The following MICAL3 variants were observed in gnomAD, a reference collection of about 807,000 sequenced individuals.
The protein encoded by MICAL3 is microtubule associated monooxygenase, calponin and LIM domain containing 3, also known as [F-actin]-monooxygenase MICAL3.
In MICAL3, 62 loss-of-function variants were observed where a neutral mutation model predicts 207.4. That is an observed-to-expected ratio of 0.30 (90% CI 0.24 to 0.37). MICAL3 has a LOEUF of 0.37. MICAL3 is among the 10% of genes least tolerant of loss of function. The pLI, the probability that MICAL3 is intolerant of heterozygous loss-of-function variation, is 1.00. For missense variants in MICAL3, 2,368 were observed against 2,635.6 expected (o/e 0.90, Z 2.22); for synonymous variants, 1,077 against 1,069.3 (o/e 1.01, Z -0.14).
intron 1 of MICAL3, among the ~76,000 whole-genome samples, chr22:17,996,876 G>A (rs544918605): frequency 1.4e-4 from 21 of 152,074 alleles, no homozygotes; most frequent in African/African-American, 4.8e-4. Context: ...CTTATTCACC[G>A]CACAGACTTT....
rs376288221 is a variant in MICAL3, at chr22:17,898,095, C to T, written c.949-1114G>A. On this transcript the variant is annotated intron_variant, in intron 7 of 31. Transcript: ENST00000441493. ...TTAACAGCATACACCAAAGGCATGG[C>T]CCCTGCCCTCTTAAAAAAAAAAAAA... is the stretch of plus-strand genomic sequence containing the variant. Among the ~76,000 whole-genome samples, 3 of 122,638 alleles carry T rather than the reference C, an allele frequency of 2.4e-5. No homozygotes were observed. In the East Asian group the frequency reaches 7.2e-4, roughly 29 times the overall value. The allele number at this position is 122,638 out of a possible 152,430, so 80.5% of individuals were successfully genotyped here. A position where few individuals can be genotyped will look rare whatever the true frequency, so the allele number is the denominator to read the frequency against.
In MICAL3 at chr22:17,981,920, T is replaced by C. The variant is rs534677525; in HGVS notation, c.-75+42361A>G. ...GAGTTGGAGACCAGCCTTGGTAACA[T>C]AGTGAGACCTTGCCTCTACAAAAAA... On this transcript the variant is annotated intron_variant, in intron 1 of 31. Transcript: ENST00000441493. Among the ~76,000 whole-genome samples, 138 of 152,134 alleles carry C rather than the reference T, an allele frequency of 9.1e-4. No individual in the cohort carries two copies. In the South Asian group the frequency reaches 0.027, roughly 30 times the overall value.
rs1471835018 is a variant in MICAL3, at chr22:17,858,537, C to T, written c.2605+6362G>A. On this transcript the variant is annotated intron_variant, in intron 19 of 31. Transcript: ENST00000441493. ...ATGGGTGTTTTTATCTCGGGGAGCA[C>T]TTGTGGGACCGGGTCCTATACGGCA... 4 of 924,046 alleles carry T rather than the reference C, an allele frequency of 4.3e-6. No individual in the cohort carries two copies. The East Asian group carries it at 3.5e-4, about 81-fold the overall frequency. 57.2% of individuals were successfully genotyped at this position (924,046 alleles called of 1,614,324 possible).
intron 1 of MICAL3, among the ~76,000 whole-genome samples, chr22:17,929,027 T>C (rs1933078083): frequency 6.6e-6 from 1 of 151,738 alleles, no homozygotes; most frequent in Non-Finnish European, 1.5e-5. Flanking sequence ...ACTCCTGACC[T>C]TGTGATCTGC....
chr22:17,952,672 A>C (rs1934404248), intron 1 of MICAL3, among the ~76,000 whole-genome samples: 1 of 152,166 alleles, frequency 6.6e-6, no homozygotes, highest in Non-Finnish European at 1.5e-5. Context: ...CTGCCAAGGC[A>C]GGGGGTGGAG....
At chr22:17,802,980 T>C (rs1466197470) in intron 29 of MICAL3, among the ~76,000 whole-genome samples, 5 of 152,196 alleles carry the variant, frequency 3.3e-5, no homozygotes, top group Non-Finnish European at 7.3e-5. Context: ...AATGGCAAGA[T>C]GCCAAACATA....
chr22:17,870,882 T>G (rs1284082443), intron 17 of MICAL3, among the ~76,000 whole-genome samples: 1 of 152,194 alleles, frequency 6.6e-6, no homozygotes, highest in East Asian at 1.9e-4. Context: ...TCCTTGCTCC[T>G]TCTAACAGAG....
In MICAL3 at chr22:17,896,975, C is replaced by G. The variant is rs371751351; in HGVS notation, c.955G>C (p.Ala319Pro). 3.7e-6 allele frequency: 6 copies of G among 1,611,274 alleles called. No homozygotes were observed. The African/African-American group carries it at 5.3e-5, about 14-fold the overall frequency. The change falls in exon 8 of 32, where the codon GCC becomes CCC. Residue 319 changes from alanine (A) to proline (P), a missense_variant. Transcript: ENST00000441493. ...LDKGVILHDYADTELLLSREN... is the reference protein window; with the variant it reads ...LDKGVILHDYPDTELLLSREN... ...CGGGAAAGCAGGAGCTCTGTGTCGG[C>G]GTAGTCCTGTCTCCAGAGAAAGAGG...
intron 1 of MICAL3, among the ~76,000 whole-genome samples, chr22:17,937,584 A>G (rs867854476): frequency 2.6e-5 from 4 of 152,194 alleles, no homozygotes; most frequent in Admixed American, 6.5e-5. Context: ...AATCGCTGGA[A>G]CCCAGGAGGC....
rs572775556 is a variant in MICAL3, at chr22:17,987,065, C to G, written c.-75+37216G>C. Reference sequence around the variant, plus strand: ...CCAGCCTGGGCAACACAGCGAGACCCCATCTCCACTAAAAATAAAAAAAAA... The same window carrying G: ...CCAGCCTGGGCAACACAGCGAGACCGCATCTCCACTAAAAATAAAAAAAAA... On this transcript the variant is annotated intron_variant, in intron 1 of 31. Coordinates refer to ENST00000441493, the MANE Select transcript of MICAL3 (RefSeq NM_015241.3). 6.6e-5 allele frequency among the ~76,000 whole-genome samples: 10 copies of G among 151,996 alleles called. No individual in the cohort carries two copies. In the South Asian group the frequency reaches 8.3e-4, roughly 13 times the overall value.
At chr22:17,927,969 G>T (rs763617894) in intron 1 of MICAL3, among the ~76,000 whole-genome samples, 11 of 152,102 alleles carry the variant, frequency 7.2e-5, no homozygotes, top group Non-Finnish European at 1.2e-4. Context: ...CACACACTCA[G>T]ATCTTTGGGG....
chr22:17,884,414 A>T lies in MICAL3; in HGVS notation c.2241+1464T>A, dbSNP rs116916790. On this transcript the variant is annotated intron_variant, in intron 16 of 31. Coordinates refer to ENST00000441493, the MANE Select transcript of MICAL3 (RefSeq NM_015241.3). The stretch of plus-strand genomic sequence containing the variant: ...ACAGGACATGGAGACAAAACAAAAT[A>T]AAAATACATTAAGGTGGGAGAAGAA... 6.9e-4 allele frequency: 899 copies of T among 1,305,028 alleles called. 15 individuals are homozygous for T. The East Asian group carries it at 0.023, about 34-fold the overall frequency. 80.8% of individuals were successfully genotyped at this position (1,305,028 alleles called of 1,614,324 possible). A position where few individuals can be genotyped will look rare whatever the true frequency, so the allele number is the denominator to read the frequency against.
intron 1 of MICAL3, among the ~76,000 whole-genome samples, chr22:17,921,021 TTTGCCCACAAGGAAATTCC>T (rs1932788939): frequency 6.6e-6 from 1 of 152,130 alleles, no homozygotes. Flanking sequence ...TCCCTCGCAT[TTTGCCCACAAGGAAATTCC>T]TTGTGGGCCC....
At chr22:17,899,932 G>A (rs1163772766) in intron 6 of MICAL3, among the ~76,000 whole-genome samples, 1 of 152,170 alleles carries the variant, frequency 6.6e-6, no homozygotes, top group African/African-American at 2.4e-5. Context: ...CTTAAGAACA[G>A]GATAGACAAC....
At chr22:17,982,988 G>T (rs1228942920) in intron 1 of MICAL3, among the ~76,000 whole-genome samples, 1 of 152,094 alleles carries the variant, frequency 6.6e-6, no homozygotes. Flanking sequence ...AAGTACCTCA[G>T]AAACGAAGGA....
chr22:17,799,135 G>C (rs1488029132), intron 29 of MICAL3, among the ~76,000 whole-genome samples: 2 of 152,160 alleles, frequency 1.3e-5, no homozygotes, highest in African/African-American at 4.8e-5. Context: ...TGTAATCCTA[G>C]CATTTGGGAT....
chr22:17,884,303 C>T (rs562831762), intron 16 of MICAL3: 13 of 1,590,416 alleles, frequency 8.2e-6, no homozygotes, highest in Admixed American at 3.6e-5. Context: ...GGGGGCAGGG[C>T]GAACCTGCCC....
At chr22:17,864,698 C>G in intron 19 of MICAL3, 1 of 1,612,152 alleles carries the variant, frequency 6.2e-7, no homozygotes, top group Non-Finnish European at 8.5e-7. Context: ...CTGATTTGCA[C>G]CAGCACCTCC....
chr22:17,983,754 C>G (rs1327540057), intron 1 of MICAL3: 1 of 152,722 alleles, frequency 6.5e-6, no homozygotes, highest in Non-Finnish European at 1.5e-5. Flanking sequence ...CCCGCCACAC[C>G]TTCATCCTCT....
Sources: gnomAD v4.1 joint callset for allele counts (sites outside exome capture counted in the v4.1 genomes callset) on GRCh38, gnomAD v4.1.1 for gene constraint, MANE v1.5 for transcripts, NCBI Gene and HGNC (gene_info 2026-07-23, HGNC 2026-07-21) for gene names.